Variants in PBLD observed in about 807,000 individuals in gnomAD.
PBLD encodes phenazine biosynthesis like protein domain containing, also known as phenazine biosynthesis-like domain-containing protein.
A neutral mutation model predicts 31.3 loss-of-function variants in PBLD; 26 were observed. That is an observed-to-expected ratio of 0.83 (90% CI 0.61 to 1.15). The LOEUF (loss-of-function observed/expected upper bound fraction) is 1.15, where lower values mean the gene tolerates loss of function less well. Ranked by LOEUF, PBLD falls within the 50% of genes most tolerant of loss-of-function variation. The pLI is 0.00. For synonymous variants in PBLD, 114 were observed against 129.0 expected, an observed-to-expected ratio of 0.88 and a Z score of 0.79; for missense variants, 307 against 351.7, an observed-to-expected ratio of 0.87 and a Z score of 1.02.
intron 6 of PBLD, among the ~76,000 whole-genome samples, chr10:68,290,091 T>C (rs942337512): frequency 1.5e-4 from 23 of 151,938 alleles, no homozygotes; most frequent in African/African-American, 5.6e-4. Flanking sequence ...AGAGGGGGAT[T>C]ATGAGGAGAC....
chr10:68,315,702 C>T (rs2044728425), intron 1 of PBLD, among the ~76,000 whole-genome samples: 2 of 152,028 alleles, frequency 1.3e-5, no homozygotes, highest in African/African-American at 4.8e-5. Flanking sequence ...TGAAGAAACC[C>T]TAAGCTCTCA....
chr10:68,293,166 G>A (rs2044381980), intron 4 of PBLD, among the ~76,000 whole-genome samples: 1 of 152,184 alleles, frequency 6.6e-6, no homozygotes, highest in Non-Finnish European at 1.5e-5. Context: ...AGCCTGTAAT[G>A]TTTCTAATAC....
chr10:68,316,746 C>T (rs573238912), intron 1 of PBLD, among the ~76,000 whole-genome samples: 59 of 152,298 alleles, frequency 3.9e-4, no homozygotes, highest in Middle Eastern at 3.4e-3. Context: ...GGTACAGTGG[C>T]TCATGCCTGT....
chr10:68,303,822 CA>C lies in PBLD; in HGVS notation c.84+2938del, dbSNP rs11372100. On this transcript the variant is annotated intron_variant, in intron 2 of 9. Coordinates refer to ENST00000358769, the MANE Select transcript of PBLD (RefSeq NM_022129.4). ...TTTTGAATAACTTAAAACAAAGCTA[CA>C]AAAAAAAAAATCATCTGAAGCCCTG... Among the ~76,000 whole-genome samples, 15 of 149,154 alleles carry C rather than the reference CA, an allele frequency of 1.0e-4. 1 individual carries two copies. The highest frequency in any genetic ancestry group is 2.0e-4 in the East Asian group (1 of 5,094).
At chr10:68,307,901 T>C (rs2044604964) in intron 1 of PBLD, among the ~76,000 whole-genome samples, 1 of 152,114 alleles carries the variant, frequency 6.6e-6, no homozygotes, top group Non-Finnish European at 1.5e-5. Flanking sequence ...AAAGAACGCA[T>C]TTTTTCTAAT....
chr10:68,319,111 G>GAAA (rs1554860577), intron 1 of PBLD, among the ~76,000 whole-genome samples: 11,717 of 115,384 alleles, frequency 0.1, 887 homozygotes, highest in African/African-American at 0.19. Context: ...AAGAAAGAAA[G>GAAA]GAAAAAGAAA....
intron 1 of PBLD, among the ~76,000 whole-genome samples, chr10:68,319,669 T>C (rs1185380700): frequency 1.3e-5 from 2 of 151,826 alleles, no homozygotes; most frequent in African/African-American, 4.8e-5. Context: ...TGCAGTGAGC[T>C]GGGATCACAA....
chr10:68,289,222 T>G (rs1053308563), intron 6 of PBLD, among the ~76,000 whole-genome samples: 9 of 152,094 alleles, frequency 5.9e-5, no homozygotes, highest in Non-Finnish European at 1.3e-4. Flanking sequence ...AAGAGGCCTC[T>G]GTGAGCCTCA....
In PBLD at chr10:68,292,156, G is replaced by A. The variant is rs1243330507; in HGVS notation, c.366C>T (p.Asp122=). The A allele has an allele frequency of 1.2e-6, 2 of 1,613,900 alleles. No homozygotes were observed. Among genetic ancestry groups the A allele is most frequent in the Non-Finnish European group, 1.7e-6 (2 of 1,179,990 alleles). The change falls in exon 5 of 10, where the codon GAC becomes GAT. Residue 122 remains aspartate (D), a synonymous_variant. Transcript: ENST00000358769. ...ARRAEDGIVL[D]LPLYPAHPQD... ...GGGGGTGGGCTGGATAAAGAGGCAA[G>A]TCCAGGACGATGCCATCCTCTGCTC...
intron 1 of PBLD, among the ~76,000 whole-genome samples, chr10:68,317,598 C>T (rs144932436): frequency 8.3e-4 from 126 of 151,916 alleles, no homozygotes; most frequent in African/African-American, 2.5e-3. Flanking sequence ...GAGTTTGAGA[C>T]GAGCCTGGGC....
At chr10:68,313,069 C>G (rs2044692418) in intron 1 of PBLD, among the ~76,000 whole-genome samples, 2 of 152,024 alleles carry the variant, frequency 1.3e-5, no homozygotes, top group Admixed American at 1.3e-4. Flanking sequence ...CATGCACCAC[C>G]ACGCCTGACT....
At chr10:68,285,285 T>A in intron 9 of PBLD, 63 bp downstream of exon 9, 1 of 1,613,706 alleles carries the variant, frequency 6.2e-7, no homozygotes, top group Non-Finnish European at 8.5e-7. Context: ...ATAGTACATA[T>A]GAGAAGGAAC....
chr10:68,305,921 A>C (rs2044571961), intron 2 of PBLD, among the ~76,000 whole-genome samples: 1 of 152,138 alleles, frequency 6.6e-6, no homozygotes, highest in African/African-American at 2.4e-5. Context: ...TGCCCAACTT[A>C]ATATGACTTA....
At chr10:68,307,186 C>T (rs973198393) in intron 1 of PBLD, among the ~76,000 whole-genome samples, 4 of 151,940 alleles carry the variant, frequency 2.6e-5, no homozygotes, top group Non-Finnish European at 5.9e-5. Context: ...CCTGCCACCA[C>T]GCCTGGCTAA....
In PBLD at chr10:68,287,979, C is replaced by T. The variant is rs551217707; in HGVS notation, c.691+504G>A. The T allele has an allele frequency of 1.8e-3, 280 of 152,852 alleles. 1 individual carries two copies. The highest frequency in any genetic ancestry group is 3.5e-3 in the Non-Finnish European group (240 of 68,456). 9.5% of individuals were successfully genotyped at this position (152,852 alleles called of 1,614,324 possible). ...GGCCAAGGCAGGAGAATCACTTGAA[C>T]CTGGGAGGCTGAGGTTGCAGTGAGC... is the stretch of plus-strand genomic sequence containing the variant. On this transcript the variant is annotated intron_variant, in intron 8 of 9. Coordinates refer to ENST00000358769, the MANE Select transcript of PBLD (RefSeq NM_022129.4).
At chr10:68,319,055 G>GAGAGAA in intron 1 of PBLD, among the ~76,000 whole-genome samples, 1 of 55,394 alleles carries the variant, frequency 1.8e-5, no homozygotes, top group African/African-American at 1.0e-4. Context: ...GAAAGAGAGA[G>GAGAGAA]AAAGAAAGAA....
intron 2 of PBLD, among the ~76,000 whole-genome samples, chr10:68,305,309 C>T (rs1381717130): frequency 6.9e-6 from 1 of 144,418 alleles, no homozygotes; most frequent in Admixed American, 7.1e-5. Context: ...GACACGGTCT[C>T]GCTGTGTTGG....
intron 2 of PBLD, 90 bp downstream of exon 2, chr10:68,306,671 C>T: frequency 1.6e-6 from 2 of 1,214,102 alleles, no homozygotes; most frequent in South Asian, 2.7e-5. Flanking sequence ...AAGAGGTAAA[C>T]AAACAGGTGA....
chr10:68,326,713 C>T (rs1316648724), intron 1 of PBLD, among the ~76,000 whole-genome samples: 1 of 152,188 alleles, frequency 6.6e-6, no homozygotes, highest in Non-Finnish European at 1.5e-5. Context: ...TTACTAATCT[C>T]CACCCCCTAT....
Sources: allele counts gnomAD v4.1 joint callset (sites outside exome capture counted in the v4.1 genomes callset), GRCh38; gene constraint gnomAD v4.1.1; transcripts MANE v1.5; gene names NCBI Gene and HGNC (gene_info 2026-07-23, HGNC 2026-07-21).